Variants in SMC4 observed in about 807,000 individuals in gnomAD.
The protein encoded by SMC4 is structural maintenance of chromosomes 4.
SMC4 carries 87 observed loss-of-function variants against 145.6 expected under a neutral mutation model. That is an observed-to-expected ratio of 0.60 (90% confidence interval 0.50 to 0.71). SMC4 has a LOEUF of 0.71. SMC4 is among the 30% of genes least tolerant of loss of function. SMC4 has a pLI of 0.00. For synonymous variants in SMC4, 558 were observed against 500.7 expected, an observed-to-expected ratio of 1.11 and a Z score of -1.53; for missense variants, 1,447 against 1,537.1, an observed-to-expected ratio of 0.94 and a Z score of 0.98.
intron 23 of SMC4, 151 bp from the exon 24 acceptor site, chr3:160,433,506 C>T: frequency 1.8e-6 from 1 of 564,048 alleles, no homozygotes; most frequent in Non-Finnish European, 3.1e-6. Context: ...ATTCCTTTCA[C>T]ACTCAAATAC....
intron 5 of SMC4, chr3:160,404,928 T>C (rs948239453): frequency 1.7e-5 from 6 of 343,884 alleles, no homozygotes; most frequent in Non-Finnish European, 2.3e-5. Flanking sequence ...TTTGTTTTTG[T>C]TCTTATTATC....
rs371532410 is a variant in SMC4 at position 160,419,415 on chromosome 3, C to G, written c.1729C>G (p.His577Asp). The change falls in exon 12 of 24, where the codon CAT (histidine) becomes GAT (aspartate). Residue 577 changes from histidine to aspartate, a missense_variant. His to Asp is a moderately conservative substitution (Grantham distance 81). Coordinates refer to ENST00000357388, the MANE Select transcript of SMC4 (RefSeq NM_001002800.3). ...QEETNFKSLVHDLFQKVEEAK... is the reference protein window; with the variant it reads ...QEETNFKSLVDDLFQKVEEAK... ...AGAAACAAACTTTAAAAGTTTGGTT[C>G]ATGATCTCTTTCAAAAAGTTGAAGA... 6.2e-7 allele frequency: 1 copy of G among 1,611,780 alleles called. No individual in the cohort carries two copies. The highest frequency in any genetic ancestry group is 1.1e-5 in the South Asian group (1 of 90,290).
At position 160,402,892 on chromosome 3, in the gene SMC4, C is replaced by T. The variant is rs768423925; in HGVS notation, c.510+25C>T. ...GGTAAGGGATTTTTACTGTTATTGG[C>T]AAGTTCAAGTAAGGAAAATGGACTT... On this transcript the variant is annotated intron_variant, in intron 4 of 23. Transcript: ENST00000357388. 2.7e-6 allele frequency: 4 copies of T among 1,487,108 alleles called. No individual in the cohort carries two copies. In the South Asian group the frequency reaches 5.4e-5, roughly 20 times the overall value. The allele number at this position is 1,487,108 out of a possible 1,614,324, so 92.1% of individuals were successfully genotyped here. A position where few individuals can be genotyped will look rare whatever the true frequency, so the allele number is the denominator to read the frequency against.
At position 160,402,023 on chromosome 3, in the gene SMC4, T is replaced by C; in HGVS notation, c.248T>C (p.Met83Thr). Residue 83 changes from methionine (M) to threonine (T), a missense_variant, in exon 3 of 24, where the codon ATG (methionine) becomes ACG (threonine). Physicochemically the swap from Met to Thr is moderately conservative, Grantham distance 81. Coordinates refer to ENST00000357388, the MANE Select transcript of SMC4 (RefSeq NM_001002800.3). Reference protein sequence around the residue: ...MTNEAGAPRLMITHIVNQNFK... With the variant: ...MTNEAGAPRLTITHIVNQNFK... ...AATGAAGCTGGAGCTCCTCGGCTTA[T>C]GATAACTCATATTGTAAACCAGAAC... is the stretch of plus-strand genomic sequence containing the variant. 1 of 1,599,780 alleles carries C rather than the reference T, an allele frequency of 6.3e-7. No individual in the cohort carries two copies. Among genetic ancestry groups the C allele is most frequent in the Non-Finnish European group, 8.5e-7 (1 of 1,174,414 alleles).
At chr3:160,432,613 T>G in intron 22 of SMC4, 98 bp downstream of exon 22, 1 of 766,582 alleles carries the variant, frequency 1.3e-6, no homozygotes, top group South Asian at 2.1e-5. Context: ...AGGCAAGATG[T>G]ACAACTTGTT....
chr3:160,417,622 G>A (rs1241990543), intron 10 of SMC4, 101 bp from the exon 11 acceptor site: 17 of 941,916 alleles, frequency 1.8e-5, no homozygotes, highest in Admixed American at 9.9e-5. Context: ...TGTGCTTATA[G>A]AATCTCCTTT....
chr3:160,423,099 C>T (rs1717355849), intron 13 of SMC4, among the ~76,000 whole-genome samples: 1 of 152,054 alleles, frequency 6.6e-6, no homozygotes, highest in Non-Finnish European at 1.5e-5. Context: ...ATTGACTGTT[C>T]TGGGTCCCTA....
chr3:160,404,600 A>C (rs759375199), intron 5 of SMC4, 96 bp downstream of exon 5: 2 of 1,082,204 alleles, frequency 1.8e-6, no homozygotes, highest in Non-Finnish European at 2.9e-6. Context: ...GAGGCCTTAA[A>C]GTACTGTAGC....
At chr3:160,414,629 G>GT (rs1716399550) in intron 9 of SMC4, 112 bp downstream of exon 9, 1 of 1,073,880 alleles carries the variant, frequency 9.3e-7, no homozygotes, top group Non-Finnish European at 1.4e-6. Flanking sequence ...TCTAAATGTT[G>GT]TTTTAAGGTT....
chr3:160,434,652 C>CT lies in SMC4; in HGVS notation c.*843_*844insT, dbSNP rs1409595022. On this transcript the variant is annotated 3_prime_UTR_variant, in exon 24 of 24. Transcript: ENST00000357388. Reference sequence around the variant, plus strand: ...AGTAAGATACCTTGAGTAATGTTTGCCTATAAAATTGTCAGCGTATTTTTA... The same window carrying CT: ...AGTAAGATACCTTGAGTAATGTTTGCTCTATAAAATTGTCAGCGTATTTTTA... 19 of 152,102 alleles carry CT rather than the reference C, an allele frequency of 1.2e-4. No homozygotes were observed. The highest frequency in any genetic ancestry group is 4.3e-4 in the African/African-American group (18 of 41,400). 9.4% of individuals were successfully genotyped at this position (152,102 alleles called of 1,614,324 possible). A position where few individuals can be genotyped will look rare whatever the true frequency, so the allele number is the denominator to read the frequency against.
rs1344567181 is a variant in SMC4 at position 160,431,810 on chromosome 3, A to G, written c.3282A>G (p.Ala1094=). ...TGAAACCAAACCTCGGTGCCATCGC[A>G]GAGTATAAAAAGAAGGTATGAATGA... The part of the protein sequence containing the change: ...HEMKPNLGAI[A]EYKKKEELYL... Residue 1094 remains alanine, a synonymous_variant, in exon 21 of 24, where the codon GCA becomes GCG. Transcript: ENST00000357388. The G allele has an allele frequency of 2.5e-6, 4 of 1,612,948 alleles. No individual in the cohort carries two copies. Among genetic ancestry groups the G allele is most frequent in the Admixed American group, 1.7e-5 (1 of 59,542 alleles).
chr3:160,409,387 C>T (rs1484310404), intron 5 of SMC4, among the ~76,000 whole-genome samples: 2 of 147,714 alleles, frequency 1.4e-5, no homozygotes, highest in African/African-American at 5.0e-5. Context: ...TAGAGGAAAT[C>T]ATAGCTGTAT....
At chr3:160,425,843 A>G (rs1433165705) in intron 16 of SMC4, among the ~76,000 whole-genome samples, 1 of 152,200 alleles carries the variant, frequency 6.6e-6, no homozygotes, top group East Asian at 1.9e-4. Context: ...TGGTCTACAT[A>G]AGTTTGCTAC....
rs1415186004 is a variant in SMC4, at chr3:160,404,353, C to G, written c.536C>G (p.Pro179Arg). 6.2e-7 allele frequency: 1 copy of G among 1,604,168 alleles called. No individual in the cohort carries two copies. Among genetic ancestry groups the G allele is most frequent in the Non-Finnish European group, 8.5e-7 (1 of 1,177,478 alleles). Residue 179 changes from proline to arginine, a missense_variant, in exon 5 of 24, where the codon CCT becomes CGT. Pro to Arg is a moderately radical substitution (Grantham distance 103, BLOSUM62 -2). Coordinates refer to ENST00000357388, the MANE Select transcript of SMC4 (RefSeq NM_001002800.3). ...GAAGGGGATGATTATGAAGTCATTCCTAACAGTAATTTCTATGTATCCAGA... is the reference window on the plus strand; with the variant it reads ...GAAGGGGATGATTATGAAGTCATTCGTAACAGTAATTTCTATGTATCCAGA... ...DKEGDDYEVI[P>R]NSNFYVSRTA...
intron 11 of SMC4, 110 bp downstream of exon 11, chr3:160,418,066 T>C: frequency 1.2e-6 from 1 of 830,342 alleles, no homozygotes; most frequent in East Asian, 2.7e-5. Flanking sequence ...ATTTTCTTCA[T>C]TTTGTATAAT....
At position 160,412,332 on chromosome 3, in the gene SMC4, A is replaced by T. The variant is rs1339901163; in HGVS notation, c.859A>T (p.Arg287Trp). 1 of 1,590,308 alleles carries T rather than the reference A, an allele frequency of 6.3e-7. No individual in the cohort carries two copies. The highest frequency in any genetic ancestry group is 8.6e-7 in the Non-Finnish European group (1 of 1,161,708). ...LNEHRGEKLN[R>W]VKMVEKEKDA... ...AAACTTTTAATTTCTGTAGTTAAAC[A>T]GGGTAAAGATGGTGGAAAAGGAAAA... is the stretch of plus-strand genomic sequence containing the variant. The change falls in exon 7 of 24, where the codon AGG becomes TGG. Residue 287 changes from arginine to tryptophan, a missense_variant. Coordinates refer to ENST00000357388, the MANE Select transcript of SMC4 (RefSeq NM_001002800.3).
chr3:160,430,970 G>A (rs897982448), intron 19 of SMC4, 62 bp from the exon 20 acceptor site: 6 of 1,499,936 alleles, frequency 4.0e-6, no homozygotes, highest in Non-Finnish European at 5.4e-6. Flanking sequence ...CTTCATCTCT[G>A]TAATGTGAAA....
chr3:160,400,665 G>C (rs140981914), intron 1 of SMC4, 157 bp from the exon 2 acceptor site: 1 of 904,854 alleles, frequency 1.1e-6, no homozygotes, highest in African/African-American at 1.8e-5. Context: ...CTTGCCACTC[G>C]TGTCTTTCGA....
intron 5 of SMC4, among the ~76,000 whole-genome samples, chr3:160,409,960 C>T (rs545337264): frequency 3.3e-5 from 5 of 152,182 alleles, no homozygotes; most frequent in South Asian, 4.2e-4. Context: ...TCTGTAGTCC[C>T]GGCTACTTGG....
Sources: allele counts gnomAD v4.1 joint callset (sites outside exome capture counted in the v4.1 genomes callset), GRCh38; gene constraint gnomAD v4.1.1; transcripts MANE v1.5; gene names NCBI Gene and HGNC (gene_info 2026-07-23, HGNC 2026-07-21).